Variants in SLIT2 observed in about 807,000 individuals in gnomAD.
SLIT2 encodes slit guidance ligand 2, also known as slit homolog 2 protein.
Under a neutral mutation model 185.7 loss-of-function variants are expected in SLIT2, and 41 were observed. The observed-to-expected ratio is 0.22, with a 90% CI of 0.17 to 0.29. The LOEUF is 0.29. SLIT2 is among the 10% of genes least tolerant of loss of function. The pLI, the probability that SLIT2 is intolerant of heterozygous loss-of-function variation, is 1.00. For missense variants in SLIT2, 1,571 were observed against 1,909.0 expected (o/e 0.82, Z 3.30); for synonymous variants, 693 against 680.2 (o/e 1.02, Z -0.29).
intron 4 of SLIT2, among the ~76,000 whole-genome samples, chr4:20,350,192 A>G (rs987317842): frequency 6.6e-6 from 1 of 152,158 alleles, no homozygotes; most frequent in African/African-American, 2.4e-5. Context: ...AGCTCAATTA[A>G]TAAGCACTGA....
intron 4 of SLIT2, among the ~76,000 whole-genome samples, chr4:20,272,863 G>T (rs1417873570): frequency 6.6e-6 from 1 of 152,050 alleles, no homozygotes; most frequent in Non-Finnish European, 1.5e-5. Flanking sequence ...TGCCATTCAT[G>T]ATTCCCCAGT....
intron 6 of SLIT2, among the ~76,000 whole-genome samples, chr4:20,481,168 TC>T (rs1299522834): frequency 6.6e-6 from 1 of 152,104 alleles, no homozygotes; most frequent in African/African-American, 2.4e-5. Context: ...AAACACAGTT[TC>T]TCATTAAAAA....
intron 29 of SLIT2, among the ~76,000 whole-genome samples, chr4:20,581,558 T>C (rs1726568922): frequency 1.3e-5 from 2 of 152,110 alleles, no homozygotes; most frequent in South Asian, 4.1e-4. Context: ...ACAACTCCCT[T>C]TCTCTCTTTC....
chr4:20,328,316 A>C (rs1469328285), intron 4 of SLIT2, among the ~76,000 whole-genome samples: 2 of 152,072 alleles, frequency 1.3e-5, no homozygotes, highest in Non-Finnish European at 2.9e-5. Context: ...AGTACTATAA[A>C]TTCTTAGAGG....
rs1347785510 is a variant in SLIT2 at position 20,467,220 on chromosome 4, T to G, written c.396-532T>G. On this transcript the variant is annotated intron_variant, in intron 4 of 36. Transcript: ENST00000504154. ...TTTATGCATAAACTGTTCGTTTTAT[T>G]GTTGGGCCGGTTCTGCCATGTTCCA... is the stretch of plus-strand genomic sequence containing the variant. Among the ~76,000 whole-genome samples the G allele has an allele frequency of 1.2e-4, 19 of 152,200 alleles. 1 individual carries two copies. The highest frequency in any genetic ancestry group is 1.2e-3 in the Admixed American group (19 of 15,276).
chr4:20,499,278 A>G (rs578211193), intron 9 of SLIT2, among the ~76,000 whole-genome samples: 42 of 152,052 alleles, frequency 2.8e-4, no homozygotes, highest in South Asian at 2.1e-4. Flanking sequence ...GATTCTGGAT[A>G]TTAGTTCTTT....
chr4:20,506,089 G>A (rs1719181612), intron 9 of SLIT2, among the ~76,000 whole-genome samples: 1 of 151,014 alleles, frequency 6.6e-6, no homozygotes, highest in Non-Finnish European at 1.5e-5. Context: ...TCATGTGTGT[G>A]TATATGTAAA....
At chr4:20,592,504 A>G (rs1727590323) in intron 30 of SLIT2, among the ~76,000 whole-genome samples, 1 of 152,180 alleles carries the variant, frequency 6.6e-6, no homozygotes, top group South Asian at 2.1e-4. Context: ...GGAGCAAAAG[A>G]AAGACAAAAA....
At position 20,619,878 on chromosome 4, in the gene SLIT2, T is replaced by G. The variant is rs1317713248; in HGVS notation, c.*869T>G. On this transcript the variant is annotated 3_prime_UTR_variant, in exon 37 of 37. Transcript: ENST00000504154. ...TATTAATTTATAATTATCCTGATAT[T>G]TTTGTACATTTTTCAAACTTAAAAA... The G allele has an allele frequency of 6.6e-6, 1 of 151,830 alleles. No homozygotes were observed. Among genetic ancestry groups the G allele is most frequent in the African/African-American group, 2.4e-5 (1 of 41,248 alleles). The allele number at this position is 151,830 out of a possible 1,614,324, so 9.4% of individuals were successfully genotyped here.
chr4:20,450,867 T>C (rs1220561621), intron 4 of SLIT2, among the ~76,000 whole-genome samples: 1 of 152,142 alleles, frequency 6.6e-6, no homozygotes, highest in East Asian at 1.9e-4. Flanking sequence ...ATCTAGTCGG[T>C]CCCAGCATCT....
At chr4:20,414,638 G>A (rs1727516869) in intron 4 of SLIT2, among the ~76,000 whole-genome samples, 1 of 152,090 alleles carries the variant, frequency 6.6e-6, no homozygotes, top group Non-Finnish European at 1.5e-5. Flanking sequence ...TCTGAATGTA[G>A]AATCCTTGCA....
At chr4:20,536,274 G>T (rs551696641) in intron 18 of SLIT2, among the ~76,000 whole-genome samples, 1 of 152,152 alleles carries the variant, frequency 6.6e-6, no homozygotes, top group East Asian at 1.9e-4. Flanking sequence ...CACTGTACAC[G>T]GCCTGGCACG....
chr4:20,456,290 TGC>T (rs1334197035), intron 4 of SLIT2, among the ~76,000 whole-genome samples: 1 of 152,144 alleles, frequency 6.6e-6, no homozygotes, highest in Non-Finnish European at 1.5e-5. Context: ...AATTGTTAAA[TGC>T]AGCAAACACT....
chr4:20,358,630 A>G (rs1296159006), intron 4 of SLIT2, among the ~76,000 whole-genome samples: 1 of 152,112 alleles, frequency 6.6e-6, no homozygotes, highest in Non-Finnish European at 1.5e-5. Flanking sequence ...CCACCCTATG[A>G]TTTAGGTAGC....
At chr4:20,467,626 T>C (rs1236041684) in intron 4 of SLIT2, 126 bp from the exon 5 acceptor site, 3 of 499,136 alleles carry the variant, frequency 6.0e-6, no homozygotes, top group African/African-American at 4.1e-5. Context: ...GCTATGGATT[T>C]AATTATGATC....
intron 4 of SLIT2, among the ~76,000 whole-genome samples, chr4:20,467,438 T>A (rs1042444905): frequency 4.6e-5 from 7 of 152,100 alleles, no homozygotes; most frequent in Non-Finnish European, 8.8e-5. Flanking sequence ...AACAATTTAC[T>A]ATTCTTTAAA....
chr4:20,571,484 A>G (rs1165609920), intron 29 of SLIT2, among the ~76,000 whole-genome samples: 1 of 152,188 alleles, frequency 6.6e-6, no homozygotes, highest in Non-Finnish European at 1.5e-5. Flanking sequence ...CTCATTTACA[A>G]AATTTCTAAC....
At chr4:20,606,626 T>A (rs1169175279) in intron 33 of SLIT2, among the ~76,000 whole-genome samples, 1 of 152,200 alleles carries the variant, frequency 6.6e-6, no homozygotes, top group South Asian at 2.1e-4. Flanking sequence ...GTGATCAGAT[T>A]AGACATTTAA....
intron 4 of SLIT2, among the ~76,000 whole-genome samples, chr4:20,295,432 T>C (rs187920091): frequency 6.6e-6 from 1 of 152,328 alleles, no homozygotes; most frequent in East Asian, 1.9e-4. Context: ...AGTCGACTTA[T>C]GCTAACAACT....
Sources: gnomAD v4.1 joint callset for allele counts (sites outside exome capture counted in the v4.1 genomes callset) on GRCh38, gnomAD v4.1.1 for gene constraint, MANE v1.5 for transcripts, NCBI Gene and HGNC (gene_info 2026-07-23, HGNC 2026-07-21) for gene names.